The following ELP3 variants were observed in gnomAD, a reference collection of about 807,000 sequenced individuals.
The protein encoded by ELP3 is elongator acetyltransferase complex subunit 3.
A neutral mutation model predicts 74.9 loss-of-function variants in ELP3; 56 were observed. The ratio of observed to expected loss-of-function variants is 0.75; its 90% CI spans 0.60 to 0.93. The LOEUF is 0.93. Among genes scored for constraint, ELP3 ranks in the 40% least tolerant of loss-of-function variants. ELP3 has a pLI of 0.00. For missense variants in ELP3, 573 were observed against 686.5 expected (o/e 0.83, Z 1.85); for synonymous variants, 222 against 239.8 (o/e 0.93, Z 0.68).
rs780968714 is a variant in ELP3, at chr8:28,137,902, A to C, written c.1100+11A>C. 5 of 1,566,592 alleles carry C rather than the reference A, an allele frequency of 3.2e-6. No individual in the cohort carries two copies. The African/African-American group carries it at 6.9e-5, about 22-fold the overall frequency. On this transcript the variant is annotated intron_variant, in intron 10 of 14. Coordinates refer to ENST00000256398, the MANE Select transcript of ELP3 (RefSeq NM_018091.6). ...GTACCGAGTACAGAGGTAGTGTGTT[A>C]TCTTTTATTCCTAAAATAGTTGGTG...
intron 14 of ELP3, among the ~76,000 whole-genome samples, chr8:28,180,033 G>GT (rs1385419662): frequency 6.6e-6 from 1 of 152,150 alleles, no homozygotes; most frequent in East Asian, 1.9e-4. Context: ...TACTTCTGTG[G>GT]TTTTTTAGAA....
At chr8:28,138,053 T>A (rs1378874252) in intron 10 of ELP3, among the ~76,000 whole-genome samples, 162 bp downstream of exon 10, 1 of 152,214 alleles carries the variant, frequency 6.6e-6, no homozygotes, top group Admixed American at 6.5e-5. Context: ...AATCATAGCA[T>A]GTCTAAGCCA....
intron 8 of ELP3, among the ~76,000 whole-genome samples, chr8:28,131,320 C>CAACTG (rs1305309122): frequency 6.6e-6 from 1 of 152,216 alleles, no homozygotes; most frequent in Non-Finnish European, 1.5e-5. Flanking sequence ...TCTGTGCCTG[C>CAACTG]AACTGAGTTT....
intron 7 of ELP3, among the ~76,000 whole-genome samples, chr8:28,117,007 A>T (rs1344043956): frequency 6.6e-6 from 1 of 152,182 alleles, no homozygotes; most frequent in Non-Finnish European, 1.5e-5. Flanking sequence ...CCTGGCAGGG[A>T]CATCTATGAA....
At chr8:28,174,192 A>G (rs1277190718) in intron 14 of ELP3, among the ~76,000 whole-genome samples, 1 of 152,050 alleles carries the variant, frequency 6.6e-6, no homozygotes, top group African/African-American at 2.4e-5. Context: ...GAAAGTGGAT[A>G]TTGAAGTATC....
At chr8:28,112,477 A>G (rs1008988424) in intron 6 of ELP3, 8 of 152,150 alleles carry the variant, frequency 5.3e-5, no homozygotes, top group African/African-American at 1.9e-4. Context: ...TTTAGAAAGC[A>G]GACTTGAAGT....
chr8:28,177,623 A>G (rs985747777), intron 14 of ELP3, among the ~76,000 whole-genome samples: 2 of 152,236 alleles, frequency 1.3e-5, no homozygotes, highest in Non-Finnish European at 2.9e-5. Flanking sequence ...ATAGATTTAC[A>G]AGTTTGGCTG....
intron 1 of ELP3, 139 bp from the exon 2 acceptor site, chr8:28,097,080 G>A (rs1811281147): frequency 1.7e-6 from 1 of 573,500 alleles, no homozygotes; most frequent in South Asian, 2.3e-5. Context: ...GTAAACAGTA[G>A]AGATTTAGCA....
chr8:28,116,513 G>T (rs1022583073), intron 7 of ELP3, among the ~76,000 whole-genome samples: 5 of 152,226 alleles, frequency 3.3e-5, no homozygotes, highest in African/African-American at 1.2e-4. Flanking sequence ...GCCAAGGCGG[G>T]CAGATAGCTT....
At chr8:28,098,265 C>G (rs1811336409) in intron 2 of ELP3, among the ~76,000 whole-genome samples, 1 of 151,204 alleles carries the variant, frequency 6.6e-6, no homozygotes, top group African/African-American at 2.4e-5. Context: ...TGAAAGGGTT[C>G]TCTCCCCAAC....
At chr8:28,093,138 T>TGGC (rs1811107250), upstream of ELP3, 15 of 1,587,872 alleles carry the variant, frequency 9.4e-6, no homozygotes, top group South Asian at 1.5e-4. Flanking sequence ...GATTGTTTTG[T>TGGC]GGCTGTCAGC....
intron 7 of ELP3, among the ~76,000 whole-genome samples, chr8:28,122,697 G>A (rs938634698): frequency 6.6e-6 from 1 of 152,098 alleles, no homozygotes; most frequent in African/African-American, 2.4e-5. Context: ...CGAGTTAGGG[G>A]TTTATCAATT....
intron 7 of ELP3, among the ~76,000 whole-genome samples, chr8:28,122,607 C>T (rs1257276136): frequency 4.6e-5 from 7 of 152,182 alleles, no homozygotes; most frequent in Admixed American, 4.6e-4. Flanking sequence ...AGGCTTTTAA[C>T]ATCTGTGGAA....
chr8:28,091,804 A>G (rs1811062000), upstream of ELP3, among the ~76,000 whole-genome samples: 1 of 152,188 alleles, frequency 6.6e-6, no homozygotes, highest in Admixed American at 6.5e-5. Flanking sequence ...GACATAAGTT[A>G]TCATGGAATC....
At chr8:28,174,728 TA>T (rs1390680838) in intron 14 of ELP3, among the ~76,000 whole-genome samples, 2 of 152,188 alleles carry the variant, frequency 1.3e-5, no homozygotes, top group Admixed American at 6.5e-5. Context: ...TAATTATCTT[TA>T]TTAATATTCT....
rs549442975 is a variant in ELP3, at chr8:28,106,312, G to A, written c.259-401G>A. ...TCCCAGCACTTTGGGAGGCCGAGGC[G>A]GGCGGATCACGAGGTCAGGAGATCG... On this transcript the variant is annotated intron_variant, in intron 3 of 14. Coordinates refer to ENST00000256398, the MANE Select transcript of ELP3 (RefSeq NM_018091.6). 7.9e-5 allele frequency among the ~76,000 whole-genome samples: 12 copies of A among 151,910 alleles called. No individual in the cohort carries two copies. The South Asian group carries it at 8.3e-4, about 11-fold the overall frequency.
At chr8:28,093,489 A>G in intron 1 of ELP3, 1 of 575,806 alleles carries the variant, frequency 1.7e-6, no homozygotes, top group South Asian at 2.1e-5. Flanking sequence ...GGAAACCATT[A>G]TTCCAATATA....
chr8:28,100,084 C>A (rs1386543569), intron 3 of ELP3, 118 bp downstream of exon 3: 6 of 1,296,056 alleles, frequency 4.6e-6, no homozygotes, highest in South Asian at 1.3e-5. Flanking sequence ...CTAATGAAGT[C>A]CCTGTATTAG....
chr8:28,111,140 A>G (rs1811900332), intron 6 of ELP3, among the ~76,000 whole-genome samples: 1 of 152,176 alleles, frequency 6.6e-6, no homozygotes, highest in Non-Finnish European at 1.5e-5. Flanking sequence ...AAAGGAGTAC[A>G]AAGAACTAGT....
Sources: allele counts gnomAD v4.1 joint callset (sites outside exome capture counted in the v4.1 genomes callset), GRCh38; gene constraint gnomAD v4.1.1; transcripts MANE v1.5; gene names NCBI Gene and HGNC (gene_info 2026-07-23, HGNC 2026-07-21).